Variants in METAP1D observed in about 807,000 individuals in gnomAD.
METAP1D encodes the protein methionyl aminopeptidase type 1D, mitochondrial.
Under a neutral mutation model 40.5 loss-of-function variants are expected in METAP1D, and 31 were observed. That is an observed-to-expected ratio of 0.77 (90% CI 0.58 to 1.03). The LOEUF is 1.03. Ranked by LOEUF, METAP1D falls within the 50% of genes least tolerant of loss-of-function variation. The probability of loss-of-function intolerance (pLI) is 0.00; values close to 1 mark genes in which losing one functional copy is unlikely to be tolerated. For synonymous variants in METAP1D, 151 were observed against 146.4 expected, an observed-to-expected ratio of 1.03 and a Z score of -0.22; for missense variants, 411 against 420.7, an observed-to-expected ratio of 0.98 and a Z score of 0.20.
chr2:172,013,310 G>A (rs535204391), intron 1 of METAP1D, among the ~76,000 whole-genome samples: 1 of 152,282 alleles, frequency 6.6e-6, no homozygotes, highest in African/African-American at 2.4e-5. Flanking sequence ...TGGCCACCTG[G>A]TGTCCTCATG....
chr2:172,052,931 C>G (rs1049964322), intron 1 of METAP1D, among the ~76,000 whole-genome samples: 1 of 151,984 alleles, frequency 6.6e-6, no homozygotes, highest in Non-Finnish European at 1.5e-5. Flanking sequence ...GTTTTTTTTC[C>G]CTCAGCAAAT....
chr2:172,005,544 A>ATATATATATATATATAT (rs1160120823), intron 1 of METAP1D, among the ~76,000 whole-genome samples: 2 of 111,748 alleles, frequency 1.8e-5, no homozygotes, highest in African/African-American at 3.1e-5. Context: ...ATATATATAT[A>ATATATATATATATATAT]TCTTTTTTTT....
At chr2:172,030,096 TTA>T (rs1388002892) in intron 1 of METAP1D, among the ~76,000 whole-genome samples, 2 of 150,312 alleles carry the variant, frequency 1.3e-5, no homozygotes, top group Non-Finnish European at 1.5e-5. Flanking sequence ...ATTTATTTAT[TTA>T]TTTTTTTTGA....
chr2:172,060,416 C>CA (rs757713609), intron 1 of METAP1D, among the ~76,000 whole-genome samples: 4,589 of 60,418 alleles, frequency 0.076, 429 homozygotes, highest in East Asian at 0.5. Flanking sequence ...GACCCTGTCT[C>CA]AAAAAAAAAA....
chr2:172,042,857 G>GTACACATATACGTATATGTGTAAATATA (rs1689627463), intron 1 of METAP1D, among the ~76,000 whole-genome samples: 1 of 97,458 alleles, frequency 1.0e-5, no homozygotes, highest in Non-Finnish European at 2.3e-5. Flanking sequence ...GTGTATATAT[G>GTACACATATACGTATATGTGTAAATATA]TACATATATG....
At chr2:172,079,166 C>G (rs752358845) in intron 7 of METAP1D, 49 bp from the exon 8 acceptor site, 1 of 1,546,718 alleles carries the variant, frequency 6.5e-7, no homozygotes, top group South Asian at 1.1e-5. Context: ...TTTTTTTTTT[C>G]TGTCCTCCCC....
intron 3 of METAP1D, among the ~76,000 whole-genome samples, chr2:172,065,015 A>G (rs942244673): frequency 1.3e-5 from 2 of 152,248 alleles, no homozygotes; most frequent in Non-Finnish European, 2.9e-5. Context: ...AGGAAAAAAT[A>G]TTTTAAAAAT....
intron 1 of METAP1D, among the ~76,000 whole-genome samples, chr2:172,032,075 A>C (rs1004898170): frequency 1.3e-5 from 2 of 152,220 alleles, no homozygotes; most frequent in African/African-American, 4.8e-5. Flanking sequence ...TAATTTCAAT[A>C]GCTAATTTTA....
intron 9 of METAP1D, 57 bp downstream of exon 9, chr2:172,080,263 A>AAAAGGAAGATTGTATGGGAAAGGAAGAT: frequency 6.2e-7 from 1 of 1,613,902 alleles, no homozygotes; most frequent in Non-Finnish European, 8.5e-7. Context: ...GATTGGTCCG[A>AAAAGGAAGATTGTATGGGAAAGGAAGAT]CGGCGCGCTT....
chr2:172,045,600 G>A (rs1689720293), intron 1 of METAP1D, among the ~76,000 whole-genome samples: 1 of 147,350 alleles, frequency 6.8e-6, no homozygotes, highest in African/African-American at 2.5e-5. Context: ...GGTGGAGGTT[G>A]CGGTGAGCCG....
At chr2:172,039,585 C>A (rs1048147967) in intron 1 of METAP1D, among the ~76,000 whole-genome samples, 7 of 151,948 alleles carry the variant, frequency 4.6e-5, no homozygotes. Flanking sequence ...TCTTAGAAGT[C>A]GTCAGGAAAG....
rs773093767 is a variant in METAP1D at position 172,070,907 on chromosome 2, G to A, written c.541G>A (p.Val181Ile). The A allele has an allele frequency of 6.2e-7, 1 of 1,604,754 alleles. No homozygotes were observed. The highest frequency in any genetic ancestry group is 8.5e-7 in the Non-Finnish European group (1 of 1,175,250). The change falls in exon 6 of 10, where the codon GTC (valine) becomes ATC (isoleucine). Residue 181 changes from valine to isoleucine, a missense_variant and splice_region_variant. Physicochemically the swap from Val to Ile is conservative, Grantham distance 29 (BLOSUM62 3). Transcript: ENST00000315796. ...DGDIINIDVTVYYNGYHGDTS... is the reference protein window; with the variant it reads ...DGDIINIDVTIYYNGYHGDTS... ...TTTTTAAATTTCTGCTTATGTTTAG[G>A]TCTATTACAATGGCTACCATGGAGA...
chr2:172,009,133 C>T (rs919005876), intron 1 of METAP1D, among the ~76,000 whole-genome samples: 1 of 152,018 alleles, frequency 6.6e-6, no homozygotes, highest in Non-Finnish European at 1.5e-5. Flanking sequence ...CTCCACCTCC[C>T]GGGTTCCCGC....
At chr2:172,036,336 T>A (rs1276593292) in intron 1 of METAP1D, among the ~76,000 whole-genome samples, 1 of 146,638 alleles carries the variant, frequency 6.8e-6, no homozygotes, top group Non-Finnish European at 1.5e-5. Flanking sequence ...AAAAAAAGAA[T>A]TTACTGTAAT....
intron 1 of METAP1D, among the ~76,000 whole-genome samples, chr2:172,056,700 C>T (rs1441866129): frequency 6.6e-6 from 1 of 152,162 alleles, no homozygotes; most frequent in Non-Finnish European, 1.5e-5. Context: ...ATTTATGGAG[C>T]ACCTATTTTT....
chr2:172,071,968 A>T (rs1047820003), intron 6 of METAP1D, among the ~76,000 whole-genome samples: 9 of 152,204 alleles, frequency 5.9e-5, no homozygotes, highest in Admixed American at 1.3e-4. Context: ...AAATGTATTT[A>T]TGGCTTTAAA....
At chr2:172,067,687 C>A (rs192300719) in intron 5 of METAP1D, among the ~76,000 whole-genome samples, 1 of 152,198 alleles carries the variant, frequency 6.6e-6, no homozygotes, top group Admixed American at 6.5e-5. Context: ...AACTACTCTT[C>A]CCTACTGTTT....
chr2:172,009,474 T>G (rs1184636568), intron 1 of METAP1D, among the ~76,000 whole-genome samples: 1 of 147,544 alleles, frequency 6.8e-6, no homozygotes, highest in Non-Finnish European at 1.5e-5. Flanking sequence ...GGTCATTATA[T>G]GGGTTAATTT....
At chr2:172,026,210 A>G (rs758435189) in intron 1 of METAP1D, among the ~76,000 whole-genome samples, 5 of 151,896 alleles carry the variant, frequency 3.3e-5, no homozygotes, top group Admixed American at 2.0e-4. Context: ...AAACCAGGTC[A>G]TTTGTTCTAT....
Sources: gnomAD v4.1 joint callset for allele counts (sites outside exome capture counted in the v4.1 genomes callset) on GRCh38, gnomAD v4.1.1 for gene constraint, MANE v1.5 for transcripts, NCBI Gene and HGNC (gene_info 2026-07-23, HGNC 2026-07-21) for gene names.